Variants in GLRA1 observed in about 807,000 individuals in gnomAD.
GLRA1 encodes the protein glycine receptor subunit alpha-1.
Under a neutral mutation model 48.3 loss-of-function variants are expected in GLRA1, and 37 were observed. That is an observed-to-expected ratio of 0.77 (90% CI 0.59 to 1.01). GLRA1 has a LOEUF of 1.01. Among genes scored for constraint, GLRA1 ranks in the 50% least tolerant of loss-of-function variants. The pLI is 0.00. For synonymous variants in GLRA1, 196 were observed against 210.7 expected, an observed-to-expected ratio of 0.93 and a Z score of 0.60; for missense variants, 427 against 571.0, an observed-to-expected ratio of 0.75 and a Z score of 2.57.
intron 7 of GLRA1, among the ~76,000 whole-genome samples, chr5:151,844,621 CAAA>C (rs202218874): frequency 1.0e-4 from 5 of 49,708 alleles, no homozygotes; most frequent in East Asian, 6.1e-4. Flanking sequence ...TACTCTATCT[CAAA>C]AAAAAAAAAA....
chr5:151,901,552 A>C (rs965156968), intron 1 of GLRA1, among the ~76,000 whole-genome samples: 3 of 152,244 alleles, frequency 2.0e-5, no homozygotes, highest in African/African-American at 7.2e-5. Context: ...CCTTCAATGC[A>C]GCTTTCTTTT....
intron 1 of GLRA1, 140 bp from the exon 2 acceptor site, chr5:151,892,578 A>T (rs1483248138): frequency 6.8e-6 from 6 of 883,438 alleles, no homozygotes; most frequent in Non-Finnish European, 1.1e-5. Context: ...GTCCTTAATG[A>T]GGTAAGGCCC....
intron 3 of GLRA1, among the ~76,000 whole-genome samples, chr5:151,871,864 G>A (rs1485287354): frequency 2.7e-5 from 4 of 149,798 alleles, no homozygotes; most frequent in Admixed American, 2.6e-4. Flanking sequence ...GCGCCCGGCC[G>A]TGAGACGATT....
chr5:151,875,167 G>T (rs1330972386), intron 3 of GLRA1, among the ~76,000 whole-genome samples: 1 of 151,524 alleles, frequency 6.6e-6, no homozygotes, highest in East Asian at 1.9e-4. Flanking sequence ...TTATGTTTGG[G>T]TATAAAGGGC....
chr5:151,830,914 G>A (rs191083742), intron 7 of GLRA1, among the ~76,000 whole-genome samples: 35 of 152,354 alleles, frequency 2.3e-4, no homozygotes, highest in African/African-American at 8.4e-4. Flanking sequence ...CAATGCAGAA[G>A]GCGAGTGATT....
chr5:151,866,291 T>C (rs529760879), intron 3 of GLRA1, among the ~76,000 whole-genome samples: 2 of 152,358 alleles, frequency 1.3e-5, no homozygotes, highest in South Asian at 4.1e-4. Flanking sequence ...CTCATTCATT[T>C]GTTCATTCAT....
chr5:151,869,503 C>G lies in GLRA1; in HGVS notation c.253-9495G>C, dbSNP rs183443337. 8.4e-3 allele frequency among the ~76,000 whole-genome samples: 1,256 copies of G among 150,064 alleles called. 28 individuals are homozygous for G. The highest frequency in any genetic ancestry group is 0.028 in the African/African-American group (1,154 of 40,704). ...CCAACGTGGGTAGATCACCTGAGGTCAGGAGTTTGAGACCAGCCTGGCCAA... is the reference window on the plus strand; with the variant it reads ...CCAACGTGGGTAGATCACCTGAGGTGAGGAGTTTGAGACCAGCCTGGCCAA... On this transcript the variant is annotated intron_variant, in intron 3 of 8. Transcript: ENST00000274576.
chr5:151,915,703 T>A (rs184455112), intron 1 of GLRA1, among the ~76,000 whole-genome samples: 22 of 134,612 alleles, frequency 1.6e-4, no homozygotes, highest in Non-Finnish European at 7.8e-5. Context: ...GTGTATGTAA[T>A]GTATATGTAA....
chr5:151,833,150 C>T (rs1193851443), intron 7 of GLRA1, among the ~76,000 whole-genome samples: 5 of 152,128 alleles, frequency 3.3e-5, no homozygotes, highest in African/African-American at 1.2e-4. Context: ...CTGAAGGAAG[C>T]ACTAAACATG....
chr5:151,881,510 T>C (rs1753762504), intron 3 of GLRA1, among the ~76,000 whole-genome samples: 1 of 150,070 alleles, frequency 6.7e-6, no homozygotes, highest in Non-Finnish European at 1.5e-5. Context: ...TTTTTTTTTT[T>C]TTTTTTAGTA....
intron 7 of GLRA1, chr5:151,850,690 CTG>C: frequency 8.2e-7 from 1 of 1,212,554 alleles, no homozygotes; most frequent in Non-Finnish European, 1.2e-6. Flanking sequence ...ACTTTGAAGA[CTG>C]TTGCCCCTCT....
chr5:151,847,376 A>C (rs986665580), intron 7 of GLRA1, among the ~76,000 whole-genome samples: 4 of 152,054 alleles, frequency 2.6e-5, no homozygotes, highest in Non-Finnish European at 5.9e-5. Context: ...GTTGTACCTC[A>C]ACTAGGGGTG....
At chr5:151,897,146 A>G (rs1314439710) in intron 1 of GLRA1, among the ~76,000 whole-genome samples, 1 of 152,138 alleles carries the variant, frequency 6.6e-6, no homozygotes, top group Non-Finnish European at 1.5e-5. Context: ...CTCCATATTA[A>G]TGCCAAAGTA....
chr5:151,823,112 G>T, intron 8 of GLRA1, 149 bp from the exon 9 acceptor site: 1 of 695,614 alleles, frequency 1.4e-6, no homozygotes, highest in Non-Finnish European at 2.3e-6. Flanking sequence ...GAGGCTTTTT[G>T]GCTGGCTGGG....
intron 1 of GLRA1, among the ~76,000 whole-genome samples, chr5:151,918,072 G>C (rs1754781551): frequency 6.6e-6 from 1 of 152,110 alleles, no homozygotes; most frequent in Non-Finnish European, 1.5e-5. Context: ...CAGGAGACTT[G>C]GACAATACCA....
chr5:151,847,951 A>G (rs1206903915), intron 7 of GLRA1, among the ~76,000 whole-genome samples: 1 of 152,236 alleles, frequency 6.6e-6, no homozygotes, highest in Non-Finnish European at 1.5e-5. Flanking sequence ...TTAATAGTGA[A>G]TGGAGCAGAA....
chr5:151,879,595 C>T (rs1581639350), intron 3 of GLRA1, among the ~76,000 whole-genome samples: 1 of 152,184 alleles, frequency 6.6e-6, no homozygotes, highest in South Asian at 2.1e-4. Flanking sequence ...AAGTGATCCG[C>T]CCACCTCGGC....
chr5:151,854,242 C>T (rs963193856), intron 6 of GLRA1, among the ~76,000 whole-genome samples: 5 of 152,154 alleles, frequency 3.3e-5, no homozygotes, highest in African/African-American at 9.7e-5. Flanking sequence ...GAGGCAGCTA[C>T]CCAAGACAGA....
intron 1 of GLRA1, among the ~76,000 whole-genome samples, chr5:151,913,848 G>A (rs1362165514): frequency 1.3e-5 from 2 of 152,148 alleles, no homozygotes; most frequent in Admixed American, 6.5e-5. Context: ...TTGTTCTGAA[G>A]GTTACATGGG....
Sources: gnomAD v4.1 joint callset for allele counts (sites outside exome capture counted in the v4.1 genomes callset) on GRCh38, gnomAD v4.1.1 for gene constraint, MANE v1.5 for transcripts, NCBI Gene and HGNC (gene_info 2026-07-23, HGNC 2026-07-21) for gene names.